The following LIN28B variants were observed in gnomAD, a reference collection of about 807,000 sequenced individuals.
LIN28B encodes the protein lin-28 RNA binding posttranscriptional regulator B.
Under a neutral mutation model 21.9 loss-of-function variants are expected in LIN28B, and 5 were observed. The ratio of observed to expected loss-of-function variants is 0.23; its 90% CI spans 0.12 to 0.48. The LOEUF (loss-of-function observed/expected upper bound fraction) is 0.48, where lower values mean the gene tolerates loss of function less well. Among genes scored for constraint, LIN28B ranks in the 20% least tolerant of loss-of-function variants. The pLI is 0.98. For synonymous variants in LIN28B, 109 were observed against 111.3 expected (o/e 0.98, Z 0.13); for missense variants, 245 against 310.5 (o/e 0.79, Z 1.58).
In LIN28B at chr6:104,957,123, C is replaced by T; in HGVS notation, c.-128C>T. On this transcript the variant is annotated 5_prime_UTR_variant, in exon 1 of 4. Coordinates refer to ENST00000345080, the MANE Select transcript of LIN28B (RefSeq NM_001004317.4). ...GAAAAAAATCAAAAGAAGGAAAGCA[C>T]ATTAGACCATGCGAGCTAAATTTGT... is the stretch of plus-strand genomic sequence containing the variant. 6.2e-7 allele frequency: 1 copy of T among 1,604,968 alleles called. No homozygotes were observed. Among genetic ancestry groups the T allele is most frequent in the Non-Finnish European group, 8.5e-7 (1 of 1,175,652 alleles).
chr6:105,061,310 A>G (rs1375839144), intron 3 of LIN28B, among the ~76,000 whole-genome samples: 1 of 152,166 alleles, frequency 6.6e-6, no homozygotes, highest in Non-Finnish European at 1.5e-5. Context: ...TTAATTTACT[A>G]ATATCTAATC....
chr6:105,019,193 C>T (rs1427239283), intron 2 of LIN28B, among the ~76,000 whole-genome samples: 1 of 152,174 alleles, frequency 6.6e-6, no homozygotes, highest in South Asian at 2.1e-4. Context: ...GGCAATCCAG[C>T]CGCCTCAGCC....
At chr6:105,015,876 A>C (rs1412072002) in intron 2 of LIN28B, among the ~76,000 whole-genome samples, 1 of 152,192 alleles carries the variant, frequency 6.6e-6, no homozygotes, top group East Asian at 1.9e-4. Context: ...ATGGAGAGGA[A>C]AATAGGAAAC....
intron 3 of LIN28B, among the ~76,000 whole-genome samples, chr6:105,038,404 G>T (rs949476483): frequency 7.2e-5 from 11 of 152,178 alleles, no homozygotes; most frequent in Non-Finnish European, 7.4e-5. Flanking sequence ...GCCTCCGAGT[G>T]GACCAGTGGC....
chr6:105,020,988 C>G (rs1361419462), intron 2 of LIN28B, among the ~76,000 whole-genome samples: 1 of 151,922 alleles, frequency 6.6e-6, no homozygotes, highest in Non-Finnish European at 1.5e-5. Context: ...ATTTCCTGAC[C>G]TCGTAATCCA....
chr6:104,971,731 C>T (rs934446210), intron 2 of LIN28B, among the ~76,000 whole-genome samples: 3 of 152,016 alleles, frequency 2.0e-5, no homozygotes, highest in Admixed American at 6.6e-5. Flanking sequence ...AATGTTTCAA[C>T]TTCTGTTTAC....
intron 3 of LIN28B, among the ~76,000 whole-genome samples, chr6:105,069,787 C>T (rs1011827237): frequency 3.3e-5 from 5 of 151,998 alleles, no homozygotes. Flanking sequence ...ACAGAGAAAC[C>T]ATATCTGAAG....
chr6:105,078,861 C>T lies in LIN28B; in HGVS notation c.*78C>T. 1.3e-6 allele frequency: 2 copies of T among 1,481,634 alleles called. No homozygotes were observed. Among genetic ancestry groups the T allele is most frequent in the Non-Finnish European group, 1.8e-6 (2 of 1,102,476 alleles). The allele number at this position is 1,481,634 out of a possible 1,614,324, so 91.8% of individuals were successfully genotyped here. A position where few individuals can be genotyped will look rare whatever the true frequency, so the allele number is the denominator to read the frequency against. ...GCAAGTATAGGGGAACAGTATTTCA[C>T]AAGCAGTAGCTGACCTGGGATTTTA... On this transcript the variant is annotated 3_prime_UTR_variant, in exon 4 of 4. Transcript: ENST00000345080.
chr6:104,942,752 C>G (rs987052383), intron 2 of LIN28B, among the ~76,000 whole-genome samples: 21 of 152,102 alleles, frequency 1.4e-4, no homozygotes, highest in Admixed American at 1.2e-3. Context: ...GACACAAGGC[C>G]TCTTCTACCA....
chr6:104,954,786 G>A (rs1778263642), upstream of LIN28B, among the ~76,000 whole-genome samples: 1 of 152,040 alleles, frequency 6.6e-6, no homozygotes, highest in South Asian at 2.1e-4. Context: ...TAACTATACT[G>A]TACAGTGTAG....
chr6:104,946,983 TTAAAG>T lies in LIN28B; in HGVS notation c.19-3473_19-3469del, dbSNP rs1430152942. 2.6e-5 allele frequency among the ~76,000 whole-genome samples: 4 copies of T among 152,344 alleles called. No individual in the cohort carries two copies. In the East Asian group the frequency reaches 7.7e-4, roughly 29 times the overall value. On this transcript the variant is annotated intron_variant, in intron 2 of 5. Coordinates refer to the LIN28B transcript ENST00000635857. ...CTGATTGTTAAATCATTTTTGCAAC[TTAAAG>T]TAAATTTTGCATTTGTTAGTATTAG...
At chr6:104,957,989 T>C (rs1778314798) in intron 1 of LIN28B, 110 bp from the exon 2 acceptor site, 1 of 720,828 alleles carries the variant, frequency 1.4e-6, no homozygotes, top group African/African-American at 1.8e-5. Context: ...AAATTTTTTT[T>C]TTCTGTTACC....
At position 104,997,655 on chromosome 6, in the gene LIN28B, G is replaced by T. The variant is rs141236161; in HGVS notation, c.199-28643G>T. On this transcript the variant is annotated intron_variant, in intron 2 of 3. Coordinates refer to ENST00000345080, the MANE Select transcript of LIN28B (RefSeq NM_001004317.4). The stretch of plus-strand genomic sequence containing the variant: ...TTCAGGTTGAGAGGTTTGACATTTG[G>T]TGATGATGATAGAGAATAATGATGG... Among the ~76,000 whole-genome samples, 19 of 152,068 alleles carry T rather than the reference G, an allele frequency of 1.2e-4. No homozygotes were observed. The East Asian group carries it at 3.7e-3, about 29-fold the overall frequency.
intron 2 of LIN28B, among the ~76,000 whole-genome samples, chr6:104,981,745 C>T (rs1460258526): frequency 6.6e-6 from 1 of 152,132 alleles, no homozygotes; most frequent in Admixed American, 6.6e-5. Flanking sequence ...TAATGTCAAT[C>T]CCAAGATACC....
chr6:105,075,763 G>A (rs949158925), intron 3 of LIN28B, among the ~76,000 whole-genome samples: 3 of 152,124 alleles, frequency 2.0e-5, no homozygotes, highest in Non-Finnish European at 4.4e-5. Flanking sequence ...TCAATGAGTG[G>A]GCAAAATGGT....
At chr6:104,978,406 T>A (rs1349545941) in intron 2 of LIN28B, among the ~76,000 whole-genome samples, 1 of 152,130 alleles carries the variant, frequency 6.6e-6, no homozygotes, top group Non-Finnish European at 1.5e-5. Flanking sequence ...GACCTGTGTT[T>A]GAATCCCAAC....
At position 105,079,656 on chromosome 6, in the gene LIN28B, G is replaced by A. The variant is rs947340010; in HGVS notation, c.*873G>A. ...TCTTGTAACCTTTTCCATGTTGTGA[G>A]GGTTGTAAGGGATTGTGTGGCAACA... On this transcript the variant is annotated 3_prime_UTR_variant, in exon 4 of 4. Coordinates refer to ENST00000345080, the MANE Select transcript of LIN28B (RefSeq NM_001004317.4). 6.6e-6 allele frequency: 1 copy of A among 152,482 alleles called. No individual in the cohort carries two copies. Among genetic ancestry groups the A allele is most frequent in the African/African-American group, 2.4e-5 (1 of 41,402 alleles). The allele number at this position is 152,482 out of a possible 1,614,324, so 9.4% of individuals were successfully genotyped here.
intron 3 of LIN28B, among the ~76,000 whole-genome samples, chr6:105,069,423 T>G (rs1456938812): frequency 2.0e-5 from 3 of 152,108 alleles, no homozygotes; most frequent in African/African-American, 7.2e-5. Context: ...AAGTAGCTAT[T>G]GATTAAGGAG....
At chr6:104,975,393 T>TA (rs1770069372) in intron 2 of LIN28B, among the ~76,000 whole-genome samples, 1 of 152,166 alleles carries the variant, frequency 6.6e-6, no homozygotes, top group African/African-American at 2.4e-5. Flanking sequence ...TATTTTGTTT[T>TA]AAATGCTTGC....
Sources: allele counts gnomAD v4.1 joint callset (sites outside exome capture counted in the v4.1 genomes callset), GRCh38; gene constraint gnomAD v4.1.1; transcripts MANE v1.5; gene names NCBI Gene and HGNC (gene_info 2026-07-23, HGNC 2026-07-21).